Variants in GPC5 observed in about 807,000 individuals in gnomAD.
GPC5 encodes glypican-5.
A neutral mutation model predicts 53.9 loss-of-function variants in GPC5; 47 were observed. That is an observed-to-expected ratio of 0.87 (90% CI 0.69 to 1.11). The LOEUF is 1.11. GPC5 is among the 50% of genes most tolerant of loss of function. The pLI is 0.00. For synonymous variants in GPC5, 286 were observed against 263.3 expected (o/e 1.09, Z -0.84); for missense variants, 748 against 713.1 (o/e 1.05, Z -0.56).
At chr13:92,119,494 G>T (rs974301612) in intron 6 of GPC5, among the ~76,000 whole-genome samples, 60 of 143,218 alleles carry the variant, frequency 4.2e-4, no homozygotes, top group African/African-American at 1.4e-3. Flanking sequence ...CGCCCCCCGG[G>T]GTTCACACCA....
At chr13:92,812,572 C>G (rs1877334816) in intron 7 of GPC5, among the ~76,000 whole-genome samples, 2 of 151,780 alleles carry the variant, frequency 1.3e-5, no homozygotes, top group Non-Finnish European at 2.9e-5. Flanking sequence ...TTCCCACTTT[C>G]ATCACGTTTA....
chr13:92,864,189 C>G (rs1224560604), intron 7 of GPC5, among the ~76,000 whole-genome samples: 1 of 152,096 alleles, frequency 6.6e-6, no homozygotes, highest in Non-Finnish European at 1.5e-5. Flanking sequence ...GCCATGACTG[C>G]CAGGCTCTTG....
intron 7 of GPC5, among the ~76,000 whole-genome samples, chr13:92,739,422 T>C (rs1418943839): frequency 6.6e-6 from 1 of 152,060 alleles, no homozygotes; most frequent in Non-Finnish European, 1.5e-5. Flanking sequence ...TTTTCATTAA[T>C]GTAAAGAAAG....
intron 6 of GPC5, among the ~76,000 whole-genome samples, chr13:92,011,610 A>T (rs1376340962): frequency 6.6e-6 from 1 of 152,192 alleles, no homozygotes; most frequent in Non-Finnish European, 1.5e-5. Context: ...TGATATAATA[A>T]TGTGGCATCC....
At chr13:92,597,245 C>T (rs1401743241) in intron 7 of GPC5, among the ~76,000 whole-genome samples, 2 of 151,250 alleles carry the variant, frequency 1.3e-5, no homozygotes, top group Middle Eastern at 3.4e-3. Flanking sequence ...TTCTGGAGTT[C>T]AGTACATAAT....
At chr13:91,856,470 G>A (rs1186801442) in intron 5 of GPC5, among the ~76,000 whole-genome samples, 8 of 151,506 alleles carry the variant, frequency 5.3e-5, no homozygotes, top group Non-Finnish European at 1.0e-4. Flanking sequence ...TTCATCGTAT[G>A]TTCATCAATA....
At chr13:92,707,697 A>G (rs1325638086) in intron 7 of GPC5, among the ~76,000 whole-genome samples, 4 of 152,154 alleles carry the variant, frequency 2.6e-5, no homozygotes, top group African/African-American at 9.7e-5. Context: ...GCCAGGTTGT[A>G]ATGAAAACAC....
chr13:92,683,628 C>A (rs533310106), intron 7 of GPC5, among the ~76,000 whole-genome samples: 1 of 152,210 alleles, frequency 6.6e-6, no homozygotes, highest in African/African-American at 2.4e-5. Flanking sequence ...TTTATAATTA[C>A]ATTAATATTG....
intron 2 of GPC5, among the ~76,000 whole-genome samples, chr13:91,461,331 T>C (rs1881917019): frequency 6.6e-6 from 1 of 152,124 alleles, no homozygotes; most frequent in Non-Finnish European, 1.5e-5. Context: ...GAACAAACAT[T>C]GGTCTTTGGT....
intron 7 of GPC5, among the ~76,000 whole-genome samples, chr13:92,214,221 T>C (rs952985485): frequency 2.6e-5 from 4 of 152,224 alleles, no homozygotes; most frequent in African/African-American, 9.6e-5. Flanking sequence ...CCTTACTTTC[T>C]GTTTTAGGGC....
chr13:91,935,038 CT>C (rs1302687668), intron 6 of GPC5, among the ~76,000 whole-genome samples: 2 of 151,950 alleles, frequency 1.3e-5, no homozygotes, highest in Non-Finnish European at 2.9e-5. Context: ...ATTGCTCTGA[CT>C]GCAGTAGGCA....
At chr13:92,125,059 C>T (rs1317986439) in intron 6 of GPC5, among the ~76,000 whole-genome samples, 3 of 152,172 alleles carry the variant, frequency 2.0e-5, no homozygotes, top group African/African-American at 7.2e-5. Context: ...CTGGCATTCC[C>T]TCTTGCCCTC....
chr13:91,919,730 GAA>G (rs1020537741), intron 6 of GPC5, among the ~76,000 whole-genome samples: 1 of 148,386 alleles, frequency 6.7e-6, no homozygotes, highest in Non-Finnish European at 1.5e-5. Context: ...TCTTTCTGGG[GAA>G]AAAAAAAATG....
At chr13:92,504,310 G>T (rs974394848) in intron 7 of GPC5, among the ~76,000 whole-genome samples, 31 of 151,978 alleles carry the variant, frequency 2.0e-4, no homozygotes, top group African/African-American at 7.2e-4. Context: ...AATGTTGACA[G>T]GTATAAAACA....
intron 7 of GPC5, among the ~76,000 whole-genome samples, chr13:92,494,176 G>A (rs1308774557): frequency 2.0e-5 from 3 of 151,800 alleles, no homozygotes; most frequent in African/African-American, 4.8e-5. Flanking sequence ...TGCAAGCTCC[G>A]CCTCCTGGGT....
chr13:92,287,993 A>G (rs907303310), intron 7 of GPC5, among the ~76,000 whole-genome samples: 4 of 151,940 alleles, frequency 2.6e-5, no homozygotes, highest in Non-Finnish European at 1.5e-5. Flanking sequence ...TGTCCAGTCT[A>G]TCTTCAATAG....
At chr13:91,868,980 A>T (rs2039114269) in intron 5 of GPC5, among the ~76,000 whole-genome samples, 1 of 152,136 alleles carries the variant, frequency 6.6e-6, no homozygotes, top group Admixed American at 6.6e-5. Context: ...ATAAAGGATC[A>T]ATTTGACTAT....
intron 2 of GPC5, among the ~76,000 whole-genome samples, chr13:91,499,551 C>T (rs992321400): frequency 5.9e-5 from 9 of 152,156 alleles, no homozygotes; most frequent in African/African-American, 2.2e-4. Flanking sequence ...GTTTTTCTGT[C>T]CCTTATTTTT....
intron 2 of GPC5, among the ~76,000 whole-genome samples, chr13:91,524,092 T>C (rs1885970154): frequency 6.6e-6 from 1 of 152,138 alleles, no homozygotes; most frequent in South Asian, 2.1e-4. Flanking sequence ...CTTTGTAAAG[T>C]CTGTAAAATG....
Sources: allele counts gnomAD v4.1 joint callset (sites outside exome capture counted in the v4.1 genomes callset), GRCh38; gene constraint gnomAD v4.1.1; transcripts MANE v1.5; gene names NCBI Gene and HGNC (gene_info 2026-07-23, HGNC 2026-07-21).